The following MKX variants were observed in gnomAD, a reference collection of about 807,000 sequenced individuals.
The protein encoded by MKX is mohawk homeobox.
MKX carries 13 observed loss-of-function variants against 36.0 expected under a neutral mutation model. The observed-to-expected ratio is 0.36, with a 90% CI of 0.24 to 0.57. MKX has a LOEUF of 0.57. Among genes scored for constraint, MKX ranks in the 20% least tolerant of loss-of-function variants. The probability of loss-of-function intolerance (pLI) is 0.79; values close to 1 mark genes in which losing one functional copy is unlikely to be tolerated. For synonymous variants in MKX, 176 were observed against 178.3 expected (o/e 0.99, Z 0.10); for missense variants, 458 against 456.4 (o/e 1.00, Z -0.03).
intron 5 of MKX, among the ~76,000 whole-genome samples, chr10:27,706,240 AATAT>A (rs148319824): frequency 6.6e-6 from 1 of 150,426 alleles, no homozygotes; most frequent in Non-Finnish European, 1.5e-5. Flanking sequence ...ATAATATTCA[AATAT>A]ATATATATAT....
At chr10:27,745,061 A>G (rs763924185) in intron 1 of MKX, 3 of 152,210 alleles carry the variant, frequency 2.0e-5, no homozygotes, top group Admixed American at 6.5e-5. Flanking sequence ...TTTTAAAATC[A>G]TGCCCTTAGG....
intron 5 of MKX, among the ~76,000 whole-genome samples, chr10:27,728,903 C>A (rs1834554236): frequency 6.6e-6 from 1 of 152,196 alleles, no homozygotes; most frequent in African/African-American, 2.4e-5. Flanking sequence ...GTTCCTCTTT[C>A]CCCAGTAACC....
intron 5 of MKX, among the ~76,000 whole-genome samples, chr10:27,715,078 C>A (rs1483034869): frequency 1.3e-5 from 2 of 151,406 alleles, no homozygotes; most frequent in African/African-American, 2.4e-5. Flanking sequence ...ACTTGCTGTC[C>A]CTTTCAAAGG....
At chr10:27,714,550 T>G (rs1188959101) in intron 5 of MKX, among the ~76,000 whole-genome samples, 2 of 152,206 alleles carry the variant, frequency 1.3e-5, no homozygotes, top group Admixed American at 1.3e-4. Context: ...AGTCACAGTT[T>G]GCCCACTTAG....
chr10:27,706,761 G>A (rs1386147017), intron 5 of MKX, among the ~76,000 whole-genome samples: 4 of 151,816 alleles, frequency 2.6e-5, no homozygotes. Flanking sequence ...TTCTTTTTTT[G>A]TTGTTGAGTT....
intron 5 of MKX, among the ~76,000 whole-genome samples, chr10:27,730,962 G>A (rs953406212): frequency 2.0e-5 from 3 of 151,222 alleles, no homozygotes; most frequent in Middle Eastern, 3.2e-3. Flanking sequence ...GTGAAACCCC[G>A]TCTCTACTAA....
Position 27,733,820 on chromosome 10 carries a change from C to T in MKX, c.838+636G>A, listed in dbSNP as rs146512498. Among the ~76,000 whole-genome samples the T allele has an allele frequency of 1.8e-4, 28 of 152,314 alleles. No homozygotes were observed. In the East Asian group the frequency reaches 5.0e-3, roughly 27 times the overall value. On this transcript the variant is annotated intron_variant, in intron 5 of 6. Coordinates refer to ENST00000419761, the MANE Select transcript of MKX (RefSeq NM_173576.3). ...AGTTTTGGACAGGTAGGAATCGATCCTTTATTTCTGGAAGGAAAGTAAAAT... is the reference window on the plus strand; with the variant it reads ...AGTTTTGGACAGGTAGGAATCGATCTTTTATTTCTGGAAGGAAAGTAAAAT...
rs1457896817 is a variant in MKX, at chr10:27,686,293, C to T, written c.839-10739G>A. ...ATAGACTAGCTAAATTATTTATCCT[C>T]GGGGTATAAACAATGAGAGGCATCC... is the stretch of plus-strand genomic sequence containing the variant. On this transcript the variant is annotated intron_variant, in intron 5 of 6. Coordinates refer to ENST00000419761, the MANE Select transcript of MKX (RefSeq NM_173576.3). Among the ~76,000 whole-genome samples the T allele has an allele frequency of 3.3e-5, 5 of 150,848 alleles. No individual in the cohort carries two copies. In the South Asian group the frequency reaches 6.3e-4, roughly 19 times the overall value.
At chr10:27,728,294 A>C (rs1383016365) in intron 5 of MKX, among the ~76,000 whole-genome samples, 2 of 152,242 alleles carry the variant, frequency 1.3e-5, no homozygotes, top group Non-Finnish European at 2.9e-5. Context: ...GCACTCACAC[A>C]GGGCCCTTAA....
chr10:27,731,648 G>A (rs1222888318), intron 5 of MKX, among the ~76,000 whole-genome samples: 2 of 69,592 alleles, frequency 2.9e-5, no homozygotes, highest in African/African-American at 1.1e-4. Flanking sequence ...CTCATTGCTT[G>A]CATAACTAAA....
rs895272423 is a variant in MKX, at chr10:27,742,711, C to T, written c.188+517G>A. 2.0e-5 allele frequency among the ~76,000 whole-genome samples: 3 copies of T among 151,894 alleles called. No homozygotes were observed. The highest frequency in any genetic ancestry group is 7.2e-5 in the African/African-American group (3 of 41,394). ...CGGGTTCGCCGCGGGCCCAGCCGAG[C>T]CGCGCTCACGCCCGGGACTCCCTGG... is the stretch of plus-strand genomic sequence containing the variant. On this transcript the variant is annotated intron_variant, in intron 2 of 6. Transcript: ENST00000419761. This position sits in a 1 kb window ranked among gnomAD's most constrained non-coding sequence, Gnocchi z 4.2.
At chr10:27,685,238 T>TATA (rs56177111) in intron 5 of MKX, among the ~76,000 whole-genome samples, 140,218 of 152,016 alleles carry the variant, frequency 0.92, 64,828 homozygotes, top group East Asian at 0.98. Context: ...GCATTGTATA[T>TATA]GAAAGCCTAT....
intron 5 of MKX, among the ~76,000 whole-genome samples, chr10:27,716,222 A>G (rs1836961122): frequency 2.0e-5 from 3 of 152,162 alleles, no homozygotes; most frequent in Admixed American, 2.0e-4. Flanking sequence ...GAAATGCTTG[A>G]TAAATAGCAG....
In MKX at chr10:27,742,131, C is replaced by T. The variant is rs563338347; in HGVS notation, c.189-627G>A. On this transcript the variant is annotated intron_variant, in intron 2 of 6. Coordinates refer to ENST00000419761, the MANE Select transcript of MKX (RefSeq NM_173576.3). The surrounding 1 kb of genome is among the most constrained non-coding windows in gnomAD (Gnocchi z 4.2). Reference sequence around the variant, plus strand: ...TGCAGAACCCAAAAACACCGTCGGGCCGTTTCCCGACTAAGGGAGGGTTAA... The same window carrying T: ...TGCAGAACCCAAAAACACCGTCGGGTCGTTTCCCGACTAAGGGAGGGTTAA... Among the ~76,000 whole-genome samples, 36 of 152,224 alleles carry T rather than the reference C, an allele frequency of 2.4e-4. No individual in the cohort carries two copies. The highest frequency in any genetic ancestry group is 4.4e-4 in the Non-Finnish European group (30 of 68,040).
intron 5 of MKX, among the ~76,000 whole-genome samples, chr10:27,691,505 C>G (rs571998546): frequency 2.6e-5 from 4 of 152,274 alleles, no homozygotes; most frequent in African/African-American, 9.6e-5. Context: ...TAAGGGCCAA[C>G]TAGCCATCTT....
At chr10:27,726,908 A>G (rs1834502792) in intron 5 of MKX, among the ~76,000 whole-genome samples, 1 of 152,202 alleles carries the variant, frequency 6.6e-6, no homozygotes, top group South Asian at 2.1e-4. Flanking sequence ...CACTGAAGAA[A>G]CATTTATAGA....
intron 5 of MKX, among the ~76,000 whole-genome samples, chr10:27,731,263 G>C (rs1371923646): frequency 1.3e-5 from 2 of 152,112 alleles, no homozygotes; most frequent in Non-Finnish European, 2.9e-5. Context: ...AGCACTGGGG[G>C]AGGGGGTGTT....
At chr10:27,685,749 C>T (rs2251213) in intron 5 of MKX, among the ~76,000 whole-genome samples, 104,191 of 151,994 alleles carry the variant, frequency 0.69, 40,108 homozygotes, top group Non-Finnish European at 0.89. Flanking sequence ...CACACCCGGC[C>T]CAGTAGAGCG....
chr10:27,718,570 C>T, intron 5 of MKX: 2 of 445,390 alleles, frequency 4.5e-6, no homozygotes, highest in Non-Finnish European at 9.0e-6. Flanking sequence ...TCCCAGGAGT[C>T]CTCACTCAAA....
Sources: gnomAD v4.1 joint callset for allele counts (sites outside exome capture counted in the v4.1 genomes callset) on GRCh38, gnomAD v4.1.1 for gene constraint, Gnocchi (gnomAD v3.1) non-coding constraint, MANE v1.5 for transcripts, NCBI Gene and HGNC (gene_info 2026-07-23, HGNC 2026-07-21) for gene names.